Variants in MTNR1A observed in about 807,000 individuals in gnomAD.
The protein encoded by MTNR1A is melatonin receptor 1A, also known as melatonin receptor type 1A.
In MTNR1A, 7 loss-of-function variants were observed where a neutral mutation model predicts 5.5. The ratio of observed to expected loss-of-function variants is 1.28; its 90% CI spans 0.73 to 2.40. The LOEUF is 2.40. Ranked by LOEUF, MTNR1A falls within the 30% of genes most tolerant of loss-of-function variation. The probability of loss-of-function intolerance (pLI) is 0.00; values close to 1 mark genes in which losing one functional copy is unlikely to be tolerated. For synonymous variants in MTNR1A, 196 were observed against 202.7 expected (o/e 0.97, Z 0.28); for missense variants, 441 against 464.4 (o/e 0.95, Z 0.46).
rs769309186 is a variant in MTNR1A at position 186,555,353 on chromosome 4, C to T, written c.13G>A (p.Gly5Ser). The T allele has an allele frequency of 2.1e-5, 32 of 1,539,388 alleles. No homozygotes were observed. Among genetic ancestry groups the T allele is most frequent in the Middle Eastern group, 2.3e-4 (1 of 4,350 alleles). Residue 5 changes from glycine (G) to serine (S), a missense_variant, in exon 1 of 2, where the codon GGC becomes AGC. Physicochemically the swap from Gly to Ser is moderately conservative, Grantham distance 56. Coordinates refer to ENST00000307161, the MANE Select transcript of MTNR1A (RefSeq NM_005958.4). The surrounding 1 kb of genome is among the most constrained non-coding windows in gnomAD (Gnocchi z 4.1). The stretch of plus-strand genomic sequence containing the variant: ...TGGGAGGCGTTGGGCAGCGCGCTGC[C>T]GTTGCCCTGCATGGTCCCTGTGCGC... Reference protein sequence around the residue: MQGNGSALPNASQPV... With the variant: MQGNSSALPNASQPV...
At chr4:186,539,768 G>A (rs1736965114) in intron 1 of MTNR1A, among the ~76,000 whole-genome samples, 1 of 152,236 alleles carries the variant, frequency 6.6e-6, no homozygotes, top group African/African-American at 2.4e-5. Context: ...ACACATTTCA[G>A]TTATTTACAA....
At chr4:186,537,366 T>A (rs1219644779) in intron 1 of MTNR1A, among the ~76,000 whole-genome samples, 1 of 152,226 alleles carries the variant, frequency 6.6e-6, no homozygotes, top group Non-Finnish European at 1.5e-5. Flanking sequence ...ATACACATTA[T>A]AAGTTCATCT....
chr4:186,545,339 C>A (rs1332759182), intron 1 of MTNR1A, among the ~76,000 whole-genome samples: 1 of 152,126 alleles, frequency 6.6e-6, no homozygotes, highest in Non-Finnish European at 1.5e-5. Flanking sequence ...ATGCTTCCAA[C>A]CTCACTACGT....
chr4:186,540,570 G>A (rs796402566), intron 1 of MTNR1A, among the ~76,000 whole-genome samples: 5 of 152,364 alleles, frequency 3.3e-5, no homozygotes, highest in East Asian at 1.9e-4. Flanking sequence ...CTGAATGCTC[G>A]AACATGGACC....
At chr4:186,543,286 C>T (rs1017384577) in intron 1 of MTNR1A, among the ~76,000 whole-genome samples, 2 of 152,176 alleles carry the variant, frequency 1.3e-5, no homozygotes, top group Admixed American at 6.5e-5. Context: ...AGAAATCCCT[C>T]GCGTGTCTCA....
At chr4:186,538,480 T>C (rs1018719289) in intron 1 of MTNR1A, among the ~76,000 whole-genome samples, 1 of 151,692 alleles carries the variant, frequency 6.6e-6, no homozygotes, top group African/African-American at 2.4e-5. Flanking sequence ...CTGCAGGGGG[T>C]GGGTGACGGC....
chr4:186,541,147 T>G (rs1737015289), intron 1 of MTNR1A, among the ~76,000 whole-genome samples: 1 of 152,146 alleles, frequency 6.6e-6, no homozygotes, highest in Non-Finnish European at 1.5e-5. Flanking sequence ...AAAAAAACCT[T>G]CTTGCCTGGT....
chr4:186,540,622 G>A (rs911092369), intron 1 of MTNR1A, among the ~76,000 whole-genome samples: 3 of 152,226 alleles, frequency 2.0e-5, no homozygotes, highest in African/African-American at 7.2e-5. Flanking sequence ...GAAGGACCAG[G>A]TGCTGTCTAT....
At chr4:186,548,921 C>A (rs1244013019) in intron 1 of MTNR1A, among the ~76,000 whole-genome samples, 1 of 147,152 alleles carries the variant, frequency 6.8e-6, no homozygotes, top group Non-Finnish European at 1.5e-5. Context: ...CAGACATATA[C>A]ACAAATGAGA....
intron 1 of MTNR1A, among the ~76,000 whole-genome samples, chr4:186,546,717 A>G (rs1467745205): frequency 2.2e-5 from 3 of 138,994 alleles, no homozygotes; most frequent in African/African-American, 6.0e-5. Flanking sequence ...CACACCATCC[A>G]CACCACACCC....
chr4:186,540,368 A>G (rs905999735), intron 1 of MTNR1A, among the ~76,000 whole-genome samples: 7 of 152,314 alleles, frequency 4.6e-5, no homozygotes, highest in Admixed American at 4.6e-4. Context: ...TTTTCAATCC[A>G]TGATTGGTTG....
intron 1 of MTNR1A, among the ~76,000 whole-genome samples, chr4:186,536,046 A>G (rs557318581): frequency 1.4e-4 from 21 of 152,328 alleles, no homozygotes; most frequent in African/African-American, 4.1e-4. Flanking sequence ...GGAAAAGTCA[A>G]AAAGATTACA....
intron 1 of MTNR1A, among the ~76,000 whole-genome samples, chr4:186,548,810 G>GACATATATATAT (rs1553981673): frequency 1.8e-4 from 10 of 54,590 alleles, no homozygotes; most frequent in Non-Finnish European, 3.4e-4. Flanking sequence ...AATCTATAAA[G>GACATATATATAT]ATATATATAT....
At chr4:186,535,596 A>T (rs998436474) in intron 1 of MTNR1A, among the ~76,000 whole-genome samples, 1 of 152,080 alleles carries the variant, frequency 6.6e-6, no homozygotes, top group Non-Finnish European at 1.5e-5. Flanking sequence ...ATTTTTGTAG[A>T]GACGGGGTTT....
In MTNR1A at chr4:186,555,545, G is replaced by A; in HGVS notation, c.-180C>T. ...CACGGCCAGGTGACACCTGGTGTCC[G>A]CCGCGAGCCCGCTTGGATTCCCCGC... On this transcript the variant is annotated 5_prime_UTR_variant, in exon 1 of 2. Coordinates refer to ENST00000307161, the MANE Select transcript of MTNR1A (RefSeq NM_005958.4). This position sits in a 1 kb window ranked among gnomAD's most constrained non-coding sequence, Gnocchi z 4.1. 2.9e-6 allele frequency: 1 copy of A among 346,550 alleles called. No individual in the cohort carries two copies. The highest frequency in any genetic ancestry group is 4.8e-6 in the Non-Finnish European group (1 of 208,130). 21.5% of individuals were successfully genotyped at this position (346,550 alleles called of 1,614,324 possible). A position where few individuals can be genotyped will look rare whatever the true frequency, so the allele number is the denominator to read the frequency against.
intron 1 of MTNR1A, among the ~76,000 whole-genome samples, chr4:186,538,363 AT>A (rs1410081621): frequency 1.3e-5 from 2 of 152,184 alleles, no homozygotes; most frequent in Admixed American, 1.3e-4. Context: ...ATTGCGTGAG[AT>A]TTTGAAGGCG....
At chr4:186,541,424 C>T (rs1029944924) in intron 1 of MTNR1A, among the ~76,000 whole-genome samples, 1 of 150,998 alleles carries the variant, frequency 6.6e-6, no homozygotes, top group African/African-American at 2.4e-5. Context: ...AGCTAATGGT[C>T]AGCTAGATTC....
In MTNR1A at chr4:186,555,110, G is replaced by C; in HGVS notation, c.184+72C>G. The C allele has an allele frequency of 6.8e-7, 1 of 1,467,182 alleles. No homozygotes were observed. Among genetic ancestry groups the C allele is most frequent in the Non-Finnish European group, 9.3e-7 (1 of 1,071,270 alleles). 90.9% of individuals were successfully genotyped at this position (1,467,182 alleles called of 1,614,324 possible). On this transcript the variant is annotated intron_variant, in intron 1 of 1. Coordinates refer to ENST00000307161, the MANE Select transcript of MTNR1A (RefSeq NM_005958.4). This position sits in a 1 kb window ranked among gnomAD's most constrained non-coding sequence, Gnocchi z 4.1. ...TTTAGGAAAAAGAACCAAGTGCTTGGGGAAGGCTGGCTGCCCGCGGAGAGG... is the reference window on the plus strand; with the variant it reads ...TTTAGGAAAAAGAACCAAGTGCTTGCGGAAGGCTGGCTGCCCGCGGAGAGG...
chr4:186,541,042 G>A (rs943979656), intron 1 of MTNR1A, among the ~76,000 whole-genome samples: 13 of 152,148 alleles, frequency 8.5e-5, no homozygotes, highest in Middle Eastern at 3.2e-3. Context: ...GTGGCTCAGA[G>A]GCCACAGCCT....
Sources: allele counts gnomAD v4.1 joint callset (sites outside exome capture counted in the v4.1 genomes callset), GRCh38; gene constraint gnomAD v4.1.1; non-coding constraint Gnocchi (gnomAD v3.1); transcripts MANE v1.5; gene names NCBI Gene and HGNC (gene_info 2026-07-23, HGNC 2026-07-21).